The following PPP6R3 variants were observed in gnomAD, a reference collection of about 807,000 sequenced individuals.
PPP6R3 encodes the protein protein phosphatase 6 regulatory subunit 3.
A neutral mutation model predicts 110.7 loss-of-function variants in PPP6R3; 38 were observed. That is an observed-to-expected ratio of 0.34 (90% CI 0.26 to 0.45). The LOEUF is 0.45. Ranked by LOEUF, PPP6R3 falls within the 20% of genes least tolerant of loss-of-function variation. PPP6R3 has a pLI of 1.00. For synonymous variants in PPP6R3, 369 were observed against 373.5 expected (o/e 0.99, Z 0.14); for missense variants, 870 against 1,062.4 (o/e 0.82, Z 2.52).
At chr11:68,470,717 A>G (rs1261275609) in intron 1 of PPP6R3, among the ~76,000 whole-genome samples, 1 of 152,062 alleles carries the variant, frequency 6.6e-6, no homozygotes, top group Non-Finnish European at 1.5e-5. Flanking sequence ...TGGCTGCTGG[A>G]TCCTTCTTGA....
At chr11:68,591,801 T>C in intron 18 of PPP6R3, 95 bp downstream of exon 18, 1 of 1,391,564 alleles carries the variant, frequency 7.2e-7, no homozygotes, top group East Asian at 2.6e-5. Context: ...AACATACATG[T>C]TAACCCAGAA....
At chr11:68,550,754 C>CT (rs113762313) in intron 5 of PPP6R3, among the ~76,000 whole-genome samples, 1,877 of 152,328 alleles carry the variant, frequency 0.012, 16 homozygotes, top group African/African-American at 0.029. Context: ...TGAACGTGCT[C>CT]TTACAGAAAA....
chr11:68,599,186 T>G (rs996124447), intron 19 of PPP6R3, among the ~76,000 whole-genome samples: 3 of 152,200 alleles, frequency 2.0e-5, no homozygotes, highest in Non-Finnish European at 4.4e-5. Flanking sequence ...AACCTAGAGA[T>G]TCCTAATTAT....
intron 12 of PPP6R3, among the ~76,000 whole-genome samples, chr11:68,573,365 G>A (rs912345008): frequency 6.6e-6 from 1 of 151,514 alleles, no homozygotes; most frequent in Non-Finnish European, 1.5e-5. Flanking sequence ...TGCCCAGGAT[G>A]GTCTCAAACT....
At chr11:68,605,565 C>T (rs1298034242) in intron 22 of PPP6R3, among the ~76,000 whole-genome samples, 1 of 152,128 alleles carries the variant, frequency 6.6e-6, no homozygotes, top group African/African-American at 2.4e-5. Flanking sequence ...AAGAGAGTAT[C>T]TTTACAGTTT....
rs760607619 is a variant in PPP6R3 at position 68,613,723 on chromosome 11, C to A, written c.*606C>A. ...GTTTTCTGTATTGTTTAAAACGGAT[C>A]AAAAATGTAAGTCTATTGGTAGAGA... On this transcript the variant is annotated 3_prime_UTR_variant, in exon 24 of 24. Transcript: ENST00000393800. 1,372 of 979,542 alleles carry A rather than the reference C, an allele frequency of 1.4e-3. 2 individuals are homozygous for A. The highest frequency in any genetic ancestry group is 1.6e-3 in the Non-Finnish European group (1,304 of 826,128). 60.7% of individuals were successfully genotyped at this position (979,542 alleles called of 1,614,324 possible). A position where few individuals can be genotyped will look rare whatever the true frequency, so the allele number is the denominator to read the frequency against.
rs1214466058 is a variant in PPP6R3, at chr11:68,588,736, C to T, written c.1730+712C>T. 3.3e-4 allele frequency among the ~76,000 whole-genome samples: 49 copies of T among 148,074 alleles called. 1 individual carries two copies. The highest frequency in any genetic ancestry group is 2.2e-4 in the South Asian group (1 of 4,596). On this transcript the variant is annotated intron_variant, in intron 16 of 23. Transcript: ENST00000393800. ...CTGGGATTACAGGCGTGAGTCACTG[C>T]GCCTGGCCAAGACTCGGTCTTTAAA...
intron 12 of PPP6R3, 119 bp from the exon 13 acceptor site, chr11:68,573,990 C>T (rs891811143): frequency 1.5e-6 from 1 of 677,152 alleles, no homozygotes; most frequent in Non-Finnish European, 2.6e-6. Flanking sequence ...TGTCCATCGT[C>T]ATTTTCTTCA....
Position 68,587,925 on chromosome 11 carries a change from A to C in PPP6R3, c.1633-2A>C. On this transcript the variant is annotated splice_acceptor_variant, in intron 15 of 23. Transcript: ENST00000393800. LOFTEE classifies it high-confidence loss of function. ...CACTGTCACTGGTCCTGGGGTTGCC[A>C]GGCCTTTTCTGATTATCAGATGCAA... 1.2e-6 allele frequency: 2 copies of C among 1,613,776 alleles called. No homozygotes were observed. The highest frequency in any genetic ancestry group is 1.7e-6 in the Non-Finnish European group (2 of 1,179,644).
chr11:68,511,156 C>T (rs1291094033), intron 1 of PPP6R3, among the ~76,000 whole-genome samples: 2 of 151,676 alleles, frequency 1.3e-5, no homozygotes, highest in African/African-American at 4.9e-5. Flanking sequence ...CAACCTCTGC[C>T]TCCCGGGTTC....
At chr11:68,557,033 G>A (rs1371690385) in intron 7 of PPP6R3, among the ~76,000 whole-genome samples, 2 of 152,244 alleles carry the variant, frequency 1.3e-5, no homozygotes, top group Admixed American at 1.3e-4. Flanking sequence ...GAGTAAGAGC[G>A]CTATGGTTGA....
intron 5 of PPP6R3, among the ~76,000 whole-genome samples, chr11:68,550,175 A>C (rs1210139431): frequency 6.6e-6 from 1 of 152,238 alleles, no homozygotes; most frequent in Non-Finnish European, 1.5e-5. Context: ...ATTTGTGTGC[A>C]CATTTTAAAA....
chr11:68,564,340 A>G lies in PPP6R3; in HGVS notation c.883A>G (p.Ser295Gly). ...GHIEICPPGM[S>G]HSACSVNKSV... ...TATAGAGATCTGCCCACCAGGCATG[A>G]GCCATTCAGCTTGTTCAGTAAACAA... The change falls in exon 9 of 24, where the codon AGC becomes GGC. Residue 295 changes from serine to glycine, a missense_variant. Transcript: ENST00000393800. 6.2e-7 allele frequency: 1 copy of G among 1,612,892 alleles called. No homozygotes were observed. The highest frequency in any genetic ancestry group is 8.5e-7 in the Non-Finnish European group (1 of 1,178,824).
intron 3 of PPP6R3, among the ~76,000 whole-genome samples, chr11:68,542,776 G>C (rs1565720523): frequency 6.6e-6 from 1 of 152,152 alleles, no homozygotes; most frequent in Non-Finnish European, 1.5e-5. Flanking sequence ...AGCTTTTTGT[G>C]TAATGGCTAA....
intron 4 of PPP6R3, among the ~76,000 whole-genome samples, chr11:68,546,737 G>A (rs1282869624): frequency 6.6e-6 from 1 of 152,178 alleles, no homozygotes; most frequent in Non-Finnish European, 1.5e-5. Flanking sequence ...GGCATCTTCA[G>A]TGCTGCATGA....
chr11:68,614,869 A>T lies in PPP6R3; in HGVS notation c.*1752A>T. On this transcript the variant is annotated 3_prime_UTR_variant, in exon 24 of 24. Transcript: ENST00000393800. ...TGAATGGCGTTGGACCTCGGGGATT[A>T]CTGGTAGATAATATGCTCTGGTCTC... 1 of 944,368 alleles carries T rather than the reference A, an allele frequency of 1.1e-6. No individual in the cohort carries two copies. Among genetic ancestry groups the T allele is most frequent in the Non-Finnish European group, 1.6e-6 (1 of 609,000 alleles). The allele number at this position is 944,368 out of a possible 1,614,324, so 58.5% of individuals were successfully genotyped here. A position where few individuals can be genotyped will look rare whatever the true frequency, so the allele number is the denominator to read the frequency against.
chr11:68,594,083 A>C (rs1233325245), intron 18 of PPP6R3, among the ~76,000 whole-genome samples: 2 of 152,220 alleles, frequency 1.3e-5, no homozygotes, highest in Non-Finnish European at 2.9e-5. Flanking sequence ...ATATGTTAAC[A>C]CTAAGAAAAA....
chr11:68,580,265 C>T (rs769492701), intron 14 of PPP6R3, among the ~76,000 whole-genome samples: 4 of 152,178 alleles, frequency 2.6e-5, no homozygotes, highest in Non-Finnish European at 4.4e-5. Context: ...AGATTTTCTA[C>T]AGCTTTTTAG....
At chr11:68,586,287 A>G (rs1443308616) in intron 15 of PPP6R3, 2 of 152,166 alleles carry the variant, frequency 1.3e-5, no homozygotes. Flanking sequence ...TTGCCTCATA[A>G]AAGATAAAGC....
Sources: allele counts gnomAD v4.1 joint callset (sites outside exome capture counted in the v4.1 genomes callset), GRCh38; gene constraint gnomAD v4.1.1; transcripts MANE v1.5; gene names NCBI Gene and HGNC (gene_info 2026-07-23, HGNC 2026-07-21).